CADM2: variants seen among roughly 807,000 people sequenced by gnomAD.
The protein encoded by CADM2 is cell adhesion molecule 2, also known as immunoglobulin superfamily member 4D.
In CADM2, 12 loss-of-function variants were observed where a neutral mutation model predicts 49.8. The observed-to-expected ratio is 0.24, with a 90% CI of 0.15 to 0.39. The LOEUF (loss-of-function observed/expected upper bound fraction) is 0.39, where lower values mean the gene tolerates loss of function less well. Among genes scored for constraint, CADM2 ranks in the 10% least tolerant of loss-of-function variants. The pLI, the probability that CADM2 is intolerant of heterozygous loss-of-function variation, is 1.00. For synonymous variants in CADM2, 214 were observed against 175.4 expected (o/e 1.22, Z -1.74); for missense variants, 378 against 492.3 (o/e 0.77, Z 2.20).
intron 8 of CADM2, among the ~76,000 whole-genome samples, chr3:85,964,887 G>A (rs1478850859): frequency 6.6e-6 from 1 of 151,660 alleles, no homozygotes; most frequent in African/African-American, 2.4e-5. Flanking sequence ...TATATCTCTT[G>A]TGATTATTGT....
chr3:85,704,510 T>A (rs2066876978), intron 1 of CADM2, among the ~76,000 whole-genome samples: 2 of 152,118 alleles, frequency 1.3e-5, no homozygotes, highest in African/African-American at 2.4e-5. Context: ...TCTCTCTGTA[T>A]CATCACATGG....
At position 85,856,187 on chromosome 3, in the gene CADM2, G is replaced by C. The variant is rs1359505100; in HGVS notation, c.239-27104G>C. On this transcript the variant is annotated intron_variant, in intron 3 of 9. Coordinates refer to ENST00000383699, the MANE Select transcript of CADM2 (RefSeq NM_001167675.2). ...ATAAACATAGCGTATTTATTCTACT[G>C]TATAACTTAAAATAGCATATTTATT... 2.0e-5 allele frequency among the ~76,000 whole-genome samples: 3 copies of C among 152,088 alleles called. No individual in the cohort carries two copies. In the East Asian group the frequency reaches 5.8e-4, roughly 29 times the overall value.
At chr3:85,046,798 A>T (rs576418379) in intron 1 of CADM2, among the ~76,000 whole-genome samples, 31 of 152,236 alleles carry the variant, frequency 2.0e-4, no homozygotes, top group African/African-American at 7.5e-4. Context: ...AATCATGAAA[A>T]TATATATTTT....
chr3:85,718,340 T>C (rs2067372353), intron 1 of CADM2, among the ~76,000 whole-genome samples: 1 of 152,180 alleles, frequency 6.6e-6, no homozygotes, highest in Admixed American at 6.5e-5. Context: ...TGTACTTTAG[T>C]TATTGAGAAC....
At chr3:85,059,724 C>T (rs1308153562) in intron 1 of CADM2, among the ~76,000 whole-genome samples, 1 of 152,146 alleles carries the variant, frequency 6.6e-6, no homozygotes, top group African/African-American at 2.4e-5. Flanking sequence ...GGTCTCTTCT[C>T]TCATCTGCCA....
chr3:85,039,033 A>G (rs2107355941), intron 1 of CADM2, among the ~76,000 whole-genome samples: 1 of 150,560 alleles, frequency 6.6e-6, no homozygotes, highest in Non-Finnish European at 1.5e-5. Context: ...ATAAACACAG[A>G]GAGAGAGAGA....
At chr3:85,446,588 G>T (rs1048514135) in intron 1 of CADM2, among the ~76,000 whole-genome samples, 45 of 136,564 alleles carry the variant, frequency 3.3e-4, no homozygotes, top group African/African-American at 1.1e-3. Flanking sequence ...GTGTGTGTGA[G>T]TTTTTTTTGT....
chr3:86,013,062 T>C, intron 8 of CADM2: 1 of 1,272,006 alleles, frequency 7.9e-7, no homozygotes, highest in Non-Finnish European at 1.1e-6. Context: ...AACTAGTCCT[T>C]ATAGGACAGT....
chr3:85,820,140 C>T (rs1439927930), intron 3 of CADM2, among the ~76,000 whole-genome samples: 1 of 151,916 alleles, frequency 6.6e-6, no homozygotes, highest in Non-Finnish European at 1.5e-5. Context: ...CCAGCGTGAG[C>T]AGACCAAAGT....
At chr3:85,564,524 G>C (rs550355545) in intron 1 of CADM2, among the ~76,000 whole-genome samples, 1 of 151,866 alleles carries the variant, frequency 6.6e-6, no homozygotes, top group African/African-American at 2.4e-5. Flanking sequence ...GATTTTAAAG[G>C]CTAATAAAAT....
intron 1 of CADM2, among the ~76,000 whole-genome samples, chr3:85,315,883 T>TTA (rs773396569): frequency 5.9e-5 from 9 of 152,080 alleles, no homozygotes; most frequent in African/African-American, 1.7e-4. Flanking sequence ...GTGAAGATAA[T>TTA]TATATATATA....
At chr3:85,570,600 C>T (rs916768215) in intron 1 of CADM2, among the ~76,000 whole-genome samples, 11 of 151,806 alleles carry the variant, frequency 7.2e-5, no homozygotes, top group Non-Finnish European at 1.6e-4. Context: ...AAATAGGTAG[C>T]GTTTTTAAAA....
intron 2 of CADM2, among the ~76,000 whole-genome samples, chr3:85,740,079 G>A (rs1488838612): frequency 6.6e-6 from 1 of 152,146 alleles, no homozygotes; most frequent in Non-Finnish European, 1.5e-5. Context: ...ATGTCAGGGT[G>A]AAACAACTGA....
chr3:85,423,938 A>G (rs2036285109), intron 1 of CADM2, among the ~76,000 whole-genome samples: 1 of 152,164 alleles, frequency 6.6e-6, no homozygotes, highest in Admixed American at 6.5e-5. Context: ...CAATAAATCT[A>G]TAGTACCTTC....
At chr3:85,267,223 TG>T (rs1380457010) in intron 1 of CADM2, among the ~76,000 whole-genome samples, 2 of 151,764 alleles carry the variant, frequency 1.3e-5, no homozygotes, top group African/African-American at 4.8e-5. Flanking sequence ...CCATGAGAAA[TG>T]TTGAGTAAAA....
At chr3:86,042,326 C>A (rs1736052463) in intron 8 of CADM2, among the ~76,000 whole-genome samples, 1 of 151,872 alleles carries the variant, frequency 6.6e-6, no homozygotes, top group South Asian at 2.1e-4. Flanking sequence ...ATTGATAGAC[C>A]ACTAGCAAGA....
intron 1 of CADM2, among the ~76,000 whole-genome samples, chr3:85,173,088 G>A (rs1302049329): frequency 1.3e-5 from 2 of 149,986 alleles, no homozygotes; most frequent in Non-Finnish European, 3.0e-5. Flanking sequence ...TCCGCCTCCT[G>A]GGTTCATGCC....
At chr3:85,177,781 G>C (rs1262481072) in intron 1 of CADM2, among the ~76,000 whole-genome samples, 1 of 151,772 alleles carries the variant, frequency 6.6e-6, no homozygotes, top group African/African-American at 2.4e-5. Flanking sequence ...AATACTGTTG[G>C]ATGAGTAGTG....
At chr3:85,757,266 C>T (rs180940824) in intron 2 of CADM2, among the ~76,000 whole-genome samples, 27 of 152,106 alleles carry the variant, frequency 1.8e-4, no homozygotes, top group Admixed American at 4.6e-4. Context: ...CTTGAAGACG[C>T]GTATTTGTTC....
Sources: allele counts gnomAD v4.1 joint callset (sites outside exome capture counted in the v4.1 genomes callset), GRCh38; gene constraint gnomAD v4.1.1; transcripts MANE v1.5; gene names NCBI Gene and HGNC (gene_info 2026-07-23, HGNC 2026-07-21).